The following DEK variants were observed in gnomAD, a reference collection of about 807,000 sequenced individuals.
DEK encodes protein DEK.
A neutral mutation model predicts 46.8 loss-of-function variants in DEK; 28 were observed. The ratio of observed to expected loss-of-function variants is 0.60; its 90% CI spans 0.44 to 0.82. The LOEUF (loss-of-function observed/expected upper bound fraction) is 0.82. DEK is among the 40% of genes least tolerant of loss of function. The pLI is 0.00. For missense variants in DEK, 416 were observed against 430.6 expected (o/e 0.97, Z 0.30); for synonymous variants, 160 against 144.5 (o/e 1.11, Z -0.77).
Position 18,237,528 on chromosome 6 carries a change from G to C in DEK, c.763-12C>G. ...GTCTTTTTTGGTGGCTGTTACAAAA[G>C]AAAGTAAAAGTACACATATTGATGA... On this transcript the variant is annotated splice_polypyrimidine_tract_variant and intron_variant, in intron 7 of 10. Transcript: ENST00000652689. The C allele has an allele frequency of 1.3e-6, 2 of 1,596,390 alleles. No homozygotes were observed. Among genetic ancestry groups the C allele is most frequent in the Middle Eastern group, 1.7e-4 (1 of 5,938 alleles).
intron 9 of DEK, among the ~76,000 whole-genome samples, chr6:18,227,288 C>A (rs901276706): frequency 6.6e-6 from 1 of 152,144 alleles, no homozygotes; most frequent in African/African-American, 2.4e-5. Context: ...CCCGATTGTA[C>A]GTTCCATCTA....
chr6:18,225,805 A>G (rs1056463228), intron 10 of DEK, 75 bp from the exon 11 acceptor site: 8 of 1,559,372 alleles, frequency 5.1e-6, no homozygotes, highest in African/African-American at 2.7e-5. Context: ...CTATTTTACT[A>G]TTTTGTCCTT....
chr6:18,247,471 G>C (rs998916408), intron 7 of DEK, among the ~76,000 whole-genome samples: 1 of 151,946 alleles, frequency 6.6e-6, no homozygotes, highest in Non-Finnish European at 1.5e-5. Context: ...AATTGACCTG[G>C]GTTTCTAGTC....
chr6:18,253,019 T>G (rs1791456165), intron 6 of DEK, among the ~76,000 whole-genome samples: 1 of 152,204 alleles, frequency 6.6e-6, no homozygotes, highest in South Asian at 2.1e-4. Flanking sequence ...CAACTGAAGT[T>G]CAATGGTTTT....
Position 18,236,607 on chromosome 6 carries a change from GTAATA to G in DEK, c.899-12_899-8del, listed in dbSNP as rs139444447. On this transcript the variant is annotated splice_region_variant and splice_polypyrimidine_tract_variant and intron_variant, in intron 8 of 10. Transcript: ENST00000652689. ...CTATCCTCAGACTCACTTTCTAAAA[GTAATA>G]TAATAATAATAATTTTTCTTACATA... 7,001 of 1,438,008 alleles carry G rather than the reference GTAATA, an allele frequency of 4.9e-3. 22 individuals are homozygous for G. Among genetic ancestry groups the G allele is most frequent in the Non-Finnish European group, 6.0e-3 (6,454 of 1,084,594 alleles). The allele number at this position is 1,438,008 out of a possible 1,614,324, so 89.1% of individuals were successfully genotyped here. A position where few individuals can be genotyped will look rare whatever the true frequency, so the allele number is the denominator to read the frequency against.
chr6:18,258,279 T>C (rs775361179), intron 3 of DEK, 25 bp downstream of exon 3: 3 of 1,582,580 alleles, frequency 1.9e-6, no homozygotes, highest in South Asian at 1.2e-5. Context: ...CACCACAAAA[T>C]GAAAGGAAGC....
intron 7 of DEK, among the ~76,000 whole-genome samples, chr6:18,243,234 T>C (rs1278896113): frequency 1.3e-5 from 2 of 152,186 alleles, no homozygotes; most frequent in Admixed American, 6.5e-5. Context: ...TGAAAGCACA[T>C]GGTATATACA....
rs201584312 is a variant in DEK at position 18,258,069 on chromosome 6, A to G, written c.248-7T>C. Reference sequence around the variant, plus strand: ...CAAAGTTTCTGCCCCTTTCCTGGGGAAAAAAAAAAATCACAATTAAATACC... The same window carrying G: ...CAAAGTTTCTGCCCCTTTCCTGGGGGAAAAAAAAAATCACAATTAAATACC... On this transcript the variant is annotated splice_polypyrimidine_tract_variant and splice_region_variant and intron_variant, in intron 3 of 10. Transcript: ENST00000652689. 660 of 1,031,268 alleles carry G rather than the reference A, an allele frequency of 6.4e-4. 2 individuals carry two copies. Among genetic ancestry groups the G allele is most frequent in the African/African-American group, 3.6e-3 (204 of 57,382 alleles). The allele number at this position is 1,031,268 out of a possible 1,614,324, so 63.9% of individuals were successfully genotyped here.
chr6:18,264,090 A>C, intron 1 of DEK, 94 bp from the exon 2 acceptor site: 1 of 1,190,608 alleles, frequency 8.4e-7, no homozygotes. Flanking sequence ...TTCCCGCGGG[A>C]CACCTGCCCT....
chr6:18,244,890 A>G (rs181110238), intron 7 of DEK, among the ~76,000 whole-genome samples: 152 of 152,350 alleles, frequency 1.0e-3, no homozygotes, highest in African/African-American at 3.5e-3. Context: ...AGGACTAACA[A>G]AACTTTCACA....
Position 18,237,418 on chromosome 6 carries a change from G to T in DEK, c.861C>A (p.Ser287Arg). The change falls in exon 8 of 11, where the codon AGC (serine) becomes AGA (arginine). Residue 287 changes from serine to arginine, a missense_variant. Ser to Arg is a moderately radical substitution (Grantham distance 110). Coordinates refer to ENST00000652689, the MANE Select transcript of DEK (RefSeq NM_003472.4). ...VKSANVKKADSSTTKKNQNSS... is the reference protein window; with the variant it reads ...VKSANVKKADRSTTKKNQNSS... ...TGTTTTGATTCTTCTTGGTGGTGCT[G>T]CTATCTGCTTTCTTAACATTGGCAC... is the stretch of plus-strand genomic sequence containing the variant. 6.2e-7 allele frequency: 1 copy of T among 1,608,318 alleles called. No homozygotes were observed.
intron 7 of DEK, among the ~76,000 whole-genome samples, chr6:18,247,452 A>G (rs962102331): frequency 6.6e-6 from 1 of 152,052 alleles, no homozygotes; most frequent in Non-Finnish European, 1.5e-5. Flanking sequence ...TCTCCCATGG[A>G]TTTTCATCAA....
chr6:18,250,441 C>T (rs1791319655), intron 6 of DEK, among the ~76,000 whole-genome samples: 1 of 152,050 alleles, frequency 6.6e-6, no homozygotes, highest in South Asian at 2.1e-4. Flanking sequence ...TGCAGTCCAG[C>T]CTGGGCAACA....
chr6:18,237,415 G>A lies in DEK; in HGVS notation c.864C>T (p.Ser288=). ...AACTGTTTTGATTCTTCTTGGTGGT[G>A]CTGCTATCTGCTTTCTTAACATTGG... ...KSANVKKADS[S]TTKKNQNSSK... is the part of the protein sequence containing the mutation. Residue 288 remains serine, a synonymous_variant, in exon 8 of 11, where the codon AGC becomes AGT. Coordinates refer to ENST00000652689, the MANE Select transcript of DEK (RefSeq NM_003472.4). 2 of 1,607,074 alleles carry A rather than the reference G, an allele frequency of 1.2e-6. No individual in the cohort carries two copies. Among genetic ancestry groups the A allele is most frequent in the Non-Finnish European group, 1.7e-6 (2 of 1,178,560 alleles).
intron 9 of DEK, among the ~76,000 whole-genome samples, chr6:18,231,538 C>G (rs1211350202): frequency 1.3e-5 from 2 of 152,094 alleles, no homozygotes; most frequent in African/African-American, 4.8e-5. Context: ...GGGGATATCA[C>G]CACCGATCCC....
At chr6:18,239,048 T>C (rs1003192688) in intron 7 of DEK, among the ~76,000 whole-genome samples, 1 of 152,000 alleles carries the variant, frequency 6.6e-6, no homozygotes, top group Non-Finnish European at 1.5e-5. Context: ...CCTCAGCCTC[T>C]TGAGTAGCTG....
At chr6:18,239,984 G>C (rs1324801153) in intron 7 of DEK, among the ~76,000 whole-genome samples, 2 of 152,152 alleles carry the variant, frequency 1.3e-5, no homozygotes, top group South Asian at 2.1e-4. Context: ...TTACTGAAAG[G>C]GTTGAAGGTT....
chr6:18,238,875 C>G (rs1240340421), intron 7 of DEK, among the ~76,000 whole-genome samples: 1 of 152,132 alleles, frequency 6.6e-6, no homozygotes, highest in African/African-American at 2.4e-5. Flanking sequence ...GAACGTTTCT[C>G]CAAATGTTTA....
Position 18,263,864 on chromosome 6 carries a change from C to G in DEK, c.124G>C (p.Glu42Gln). 6.2e-7 allele frequency: 1 copy of G among 1,612,832 alleles called. No individual in the cohort carries two copies. The highest frequency in any genetic ancestry group is 8.5e-7 in the Non-Finnish European group (1 of 1,179,390). Residue 42 changes from glutamate (E) to glutamine (Q), a missense_variant, in exon 2 of 11, where the codon GAG becomes CAG. By Grantham distance (29) the Glu-to-Gln change is conservative (BLOSUM62 2). Transcript: ENST00000652689. ...CCACCTTTTTCCTCCTCCTCCTCCT[C>G]CTCGTCGTCCTCGTCCTCTTCCTCC... Reference protein sequence around the residue: ...SEEEEDEDDEEEEEEEKEKSL... With the variant: ...SEEEEDEDDEQEEEEEKEKSL...
Sources: gnomAD v4.1 joint callset for allele counts (sites outside exome capture counted in the v4.1 genomes callset) on GRCh38, gnomAD v4.1.1 for gene constraint, MANE v1.5 for transcripts, NCBI Gene and HGNC (gene_info 2026-07-23, HGNC 2026-07-21) for gene names.